Variants in SUN3 observed in about 807,000 individuals in gnomAD.
The protein encoded by SUN3 is Sad1 and UNC84 domain containing 3.
Under a neutral mutation model 48.2 loss-of-function variants are expected in SUN3, and 36 were observed. That is an observed-to-expected ratio of 0.75 (90% CI 0.57 to 0.99). The LOEUF (loss-of-function observed/expected upper bound fraction) is 0.99. Ranked by LOEUF, SUN3 falls within the 50% of genes least tolerant of loss-of-function variation. SUN3 has a pLI of 0.00. For synonymous variants in SUN3, 148 were observed against 147.9 expected, an observed-to-expected ratio of 1.00 and a Z score of 0.00; for missense variants, 419 against 433.1, an observed-to-expected ratio of 0.97 and a Z score of 0.29.
chr7:48,032,052 A>C (rs1467420323), upstream of SUN3, among the ~76,000 whole-genome samples: 1 of 152,234 alleles, frequency 6.6e-6, no homozygotes, highest in African/African-American at 2.4e-5. Context: ...GAGCCTAAAA[A>C]GTCAAATGTG....
intron 3 of SUN3, among the ~76,000 whole-genome samples, chr7:48,015,660 A>T (rs1259083383): frequency 6.6e-6 from 1 of 152,228 alleles, no homozygotes; most frequent in Non-Finnish European, 1.5e-5. Context: ...TGGTGGAGAC[A>T]GGCCAATATG....
Position 47,996,544 on chromosome 7 carries a change from G to A in SUN3, c.578-398C>T, listed in dbSNP as rs111336630. Among the ~76,000 whole-genome samples the A allele has an allele frequency of 3.0e-3, 455 of 152,190 alleles. 6 individuals are homozygous for A. Among genetic ancestry groups the A allele is most frequent in the African/African-American group, 0.01 (424 of 41,518 alleles). Reference sequence around the variant, plus strand: ...ACAAAAAAAGCAGAAAACCAACAATGCTCCAAATGTCCTTCAAGTTACATT... The same window carrying A: ...ACAAAAAAAGCAGAAAACCAACAATACTCCAAATGTCCTTCAAGTTACATT... On this transcript the variant is annotated intron_variant, in intron 6 of 9. Transcript: ENST00000297325.
At chr7:48,029,110 T>C (rs368588920), upstream of SUN3, 324 of 939,938 alleles carry the variant, frequency 3.4e-4, 1 homozygote, top group African/African-American at 4.5e-3. Context: ...AAGCTTCTGA[T>C]TCTTCTGTTG....
At chr7:47,987,635 G>A (rs889359013) in intron 9 of SUN3, among the ~76,000 whole-genome samples, 186 bp from the exon 10 acceptor site, 10 of 151,786 alleles carry the variant, frequency 6.6e-5, no homozygotes, top group Admixed American at 1.3e-4. Flanking sequence ...CTGGGCTCAA[G>A]TCATCCTCCC....
chr7:48,028,679 G>T, intron 1 of SUN3, 138 bp downstream of exon 1: 1 of 1,134,064 alleles, frequency 8.8e-7, no homozygotes, highest in Non-Finnish European at 1.2e-6. Flanking sequence ...ACCTTCAAAG[G>T]AAACTATTGA....
At chr7:47,987,481 A>G (rs763355378) in intron 9 of SUN3, 32 bp from the exon 10 acceptor site, 4 of 1,500,432 alleles carry the variant, frequency 2.7e-6, no homozygotes, top group Non-Finnish European at 3.6e-6. Context: ...TCAATGCCTT[A>G]TAACGAAATT....
At chr7:48,010,033 C>A (rs1789640509) in intron 3 of SUN3, among the ~76,000 whole-genome samples, 1 of 152,064 alleles carries the variant, frequency 6.6e-6, no homozygotes, top group African/African-American at 2.4e-5. Context: ...AAGTCATTAG[C>A]CTGGGAGCCT....
At chr7:47,999,778 G>A (rs1304458192) in intron 6 of SUN3, among the ~76,000 whole-genome samples, 1 of 152,134 alleles carries the variant, frequency 6.6e-6, no homozygotes, top group Non-Finnish European at 1.5e-5. Context: ...CAATTGATCC[G>A]CCTGCCTTGG....
rs753077576 is a variant in SUN3, at chr7:48,028,871, C to T, written c.68G>A (p.Gly23Asp). 4 of 1,614,012 alleles carry T rather than the reference C, an allele frequency of 2.5e-6. No individual in the cohort carries two copies. The East Asian group carries it at 8.9e-5, about 36-fold the overall frequency. Residue 23 changes from glycine to aspartate, a missense_variant, in exon 1 of 10, where the codon GGT becomes GAT. Transcript: ENST00000297325. ...TAACAAAGCATTGCCACTGGCGCTA[C>T]CGCTGGCGTCTTCAGAGCAACGTCT... ...FFRRCSEDAS[G>D]SASGNALLSE...
At chr7:48,017,162 T>G in intron 3 of SUN3, 100 bp downstream of exon 3, 2 of 635,310 alleles carry the variant, frequency 3.1e-6, no homozygotes, top group Non-Finnish European at 5.4e-6. Context: ...TATTAGATAT[T>G]CTCATATAAA....
intron 2 of SUN3, among the ~76,000 whole-genome samples, chr7:48,019,988 A>AAAAAAAAAAAAAAG (rs1789944498): frequency 6.7e-6 from 1 of 149,822 alleles, no homozygotes; most frequent in Admixed American, 6.6e-5. Context: ...AAAAAAAAAA[A>AAAAAAAAAAAAAAG]AAAAAAAAAA....
chr7:48,012,478 T>C (rs149427713), intron 3 of SUN3, among the ~76,000 whole-genome samples: 3,497 of 151,646 alleles, frequency 0.023, 60 homozygotes, highest in South Asian at 0.07. Context: ...CCAAGATAAA[T>C]TCAATGATGT....
chr7:48,019,342 A>C (rs1390508490), intron 2 of SUN3, among the ~76,000 whole-genome samples: 2 of 152,160 alleles, frequency 1.3e-5, no homozygotes, highest in African/African-American at 4.8e-5. Context: ...TATATTGAAA[A>C]AGAGGAAAAA....
upstream of SUN3, among the ~76,000 whole-genome samples, chr7:48,031,493 C>T (rs1790256239): frequency 6.6e-6 from 1 of 151,916 alleles, no homozygotes; most frequent in African/African-American, 2.4e-5. Context: ...TAGCCAGACC[C>T]CATATTTTAA....
At chr7:48,030,446 A>G (rs1790239847), upstream of SUN3, among the ~76,000 whole-genome samples, 2 of 152,228 alleles carry the variant, frequency 1.3e-5, no homozygotes, top group Non-Finnish European at 1.5e-5. Context: ...GATGTGATAC[A>G]CATGCACAGT....
chr7:48,019,977 C>CAAAAAA (rs869166401), intron 2 of SUN3, among the ~76,000 whole-genome samples: 47 of 64,134 alleles, frequency 7.3e-4, no homozygotes, highest in East Asian at 1.3e-3. Flanking sequence ...AAAGACACAT[C>CAAAAAA]AAAAAAAAAA....
intron 8 of SUN3, among the ~76,000 whole-genome samples, chr7:47,991,607 A>G (rs931279240): frequency 6.6e-6 from 1 of 151,436 alleles, no homozygotes; most frequent in South Asian, 2.1e-4. Flanking sequence ...AAAACAAAAC[A>G]AAACAAAACA....
chr7:48,014,904 T>G (rs1227480199), intron 3 of SUN3, among the ~76,000 whole-genome samples: 2 of 152,218 alleles, frequency 1.3e-5, no homozygotes, highest in African/African-American at 4.8e-5. Flanking sequence ...ACAAAATTTC[T>G]TCTTTCTTGG....
Position 47,994,439 on chromosome 7 carries a change from TG to T in SUN3, c.736del (p.Gln246ArgfsTer5). Reference sequence around the variant, plus strand: ...AGCAAGCTTGATTAGGGTATGACCCTGGGAACCTGGAAAAGCCCAGCACTTT... The same window carrying T: ...AGCAAGCTTGATTAGGGTATGACCCTGGAACCTGGAAAAGCCCAGCACTTT... ...PGKCWAFPGS[Q>X]GHTLIKLATK... On this transcript the variant is annotated frameshift_variant, in exon 8 of 10. Coordinates refer to ENST00000297325, the MANE Select transcript of SUN3 (RefSeq NM_001030019.2). LOFTEE classifies it high-confidence loss of function. The T allele has an allele frequency of 3.1e-6, 5 of 1,610,454 alleles. No homozygotes were observed. The highest frequency in any genetic ancestry group is 4.2e-6 in the Non-Finnish European group (5 of 1,178,804).
Sources: allele counts gnomAD v4.1 joint callset (sites outside exome capture counted in the v4.1 genomes callset), GRCh38; gene constraint gnomAD v4.1.1; transcripts MANE v1.5; gene names NCBI Gene and HGNC (gene_info 2026-07-23, HGNC 2026-07-21).